Variants in GLIS3 observed in about 807,000 individuals in gnomAD.
GLIS3 encodes GLIS family zinc finger 3.
GLIS3 carries 53 observed loss-of-function variants against 78.6 expected under a neutral mutation model. The observed-to-expected ratio is 0.67, with a 90% CI of 0.54 to 0.85. The LOEUF is 0.85. Among genes scored for constraint, GLIS3 ranks in the 40% least tolerant of loss-of-function variants. The pLI, the probability that GLIS3 is intolerant of heterozygous loss-of-function variation, is 0.00. For synonymous variants in GLIS3, 684 were observed against 509.9 expected (o/e 1.34, Z -4.60); for missense variants, 1,703 against 1,231.1 (o/e 1.38, Z -5.74).
intron 4 of GLIS3, among the ~76,000 whole-genome samples, chr9:4,042,328 G>C (rs1824884251): frequency 6.6e-6 from 1 of 152,112 alleles, no homozygotes; most frequent in Non-Finnish European, 1.5e-5. Flanking sequence ...AGTGAAATGG[G>C]AACAGTGTTA....
At chr9:4,238,460 A>G (rs566290214) in intron 2 of GLIS3, among the ~76,000 whole-genome samples, 1 of 152,292 alleles carries the variant, frequency 6.6e-6, no homozygotes, top group East Asian at 1.9e-4. Flanking sequence ...CCTGAAATAC[A>G]CCTAGACCTA....
At chr9:4,467,470 T>C in the GLIS3 span, among the ~76,000 whole-genome samples, 2 of 152,220 alleles carry the variant, frequency 1.3e-5, no homozygotes, top group Non-Finnish European at 2.9e-5. Context: ...TTTGCCATTC[T>C]GCAATATTTG....
At chr9:4,445,397 C>A in the GLIS3 span, among the ~76,000 whole-genome samples, 1 of 152,172 alleles carries the variant, frequency 6.6e-6, no homozygotes, top group African/African-American at 2.4e-5. Context: ...GAGGCTGAGG[C>A]TGGCAGATTG....
chr9:3,967,272 G>A (rs1818026186), intron 4 of GLIS3, among the ~76,000 whole-genome samples: 1 of 152,178 alleles, frequency 6.6e-6, no homozygotes, highest in South Asian at 2.1e-4. Context: ...GGGAGACCGA[G>A]GCGGGCAGAT....
At chr9:4,236,931 G>C (rs1299936805) in intron 2 of GLIS3, among the ~76,000 whole-genome samples, 4 of 152,040 alleles carry the variant, frequency 2.6e-5, no homozygotes, top group Admixed American at 6.6e-5. Context: ...TTTGAAACCA[G>C]GATGGGCTCA....
At chr9:3,867,810 G>A (rs1368695662) in intron 8 of GLIS3, among the ~76,000 whole-genome samples, 1 of 151,808 alleles carries the variant, frequency 6.6e-6, no homozygotes, top group Non-Finnish European at 1.5e-5. Flanking sequence ...AGTGGATTTT[G>A]GACCCCACCT....
chr9:4,369,676 C>A, the GLIS3 span, among the ~76,000 whole-genome samples: 1 of 152,144 alleles, frequency 6.6e-6, no homozygotes, highest in African/African-American at 2.4e-5. Flanking sequence ...TATGATATAA[C>A]AATGGCGTGA....
intron 2 of GLIS3, chr9:4,151,032 G>C (rs896358996): frequency 6.6e-6 from 1 of 152,208 alleles, no homozygotes; most frequent in African/African-American, 2.4e-5. Flanking sequence ...GTTGGGGACA[G>C]GAGCGTCCAT....
intron 2 of GLIS3, among the ~76,000 whole-genome samples, chr9:4,142,185 T>C (rs58395164): frequency 0.029 from 4,384 of 152,158 alleles, 216 homozygotes; most frequent in African/African-American, 0.1. Flanking sequence ...AAATTAAGAG[T>C]TGTGCTTATG....
In GLIS3 at chr9:4,117,912, C is replaced by A; in HGVS notation, c.1566G>T (p.Glu522Asp). ...CTTTGCGCTGGTCGATGTGGACCTTCTCGATGTGCCGCACGAGCTCCTCCT... is the reference window on the plus strand; with the variant it reads ...CTTTGCGCTGGTCGATGTGGACCTTATCGATGTGCCGCACGAGCTCCTCCT... Reference protein sequence around the residue: ...DQQEELVRHIEKVHIDQRKGE... With the variant: ...DQQEELVRHIDKVHIDQRKGE... Residue 522 changes from glutamate (E) to aspartate (D), a missense_variant, in exon 4 of 11, where the codon GAG (glutamate) becomes GAT (aspartate). Transcript: ENST00000381971. 2.5e-6 allele frequency: 4 copies of A among 1,614,188 alleles called. No individual in the cohort carries two copies. Among genetic ancestry groups the A allele is most frequent in the Non-Finnish European group, 3.4e-6 (4 of 1,180,036 alleles).
intron 6 of GLIS3, among the ~76,000 whole-genome samples, chr9:3,918,751 CAA>C (rs2130718527): frequency 6.6e-6 from 1 of 152,200 alleles, no homozygotes; most frequent in Admixed American, 6.5e-5. Context: ...GCATTGAAAA[CAA>C]AACACAAAAA....
At chr9:4,412,453 A>T in the GLIS3 span, among the ~76,000 whole-genome samples, 4 of 152,132 alleles carry the variant, frequency 2.6e-5, no homozygotes, top group African/African-American at 9.7e-5. Context: ...AACCTAAGAC[A>T]CAAGTGGTCT....
rs1465942097 is a variant in GLIS3, at chr9:4,168,481, G to A, written c.389-42540C>T. Among the ~76,000 whole-genome samples, 5 of 152,014 alleles carry A rather than the reference G, an allele frequency of 3.3e-5. No individual in the cohort carries two copies. The East Asian group carries it at 5.8e-4, about 18-fold the overall frequency. Reference sequence around the variant, plus strand: ...CCCACAACAAAGTCACTAAATGAACGTCACTATGCTTGAATAGAAGAATGA... The same window carrying A: ...CCCACAACAAAGTCACTAAATGAACATCACTATGCTTGAATAGAAGAATGA... On this transcript the variant is annotated intron_variant, in intron 2 of 10. Transcript: ENST00000381971.
intron 4 of GLIS3, among the ~76,000 whole-genome samples, chr9:4,017,234 G>A (rs1822514704): frequency 6.6e-6 from 1 of 152,146 alleles, no homozygotes; most frequent in South Asian, 2.1e-4. Context: ...GAAGAGAGAT[G>A]CTGGTTTAGT....
chr9:4,081,276 C>T (rs1828534575), intron 4 of GLIS3: 1 of 152,272 alleles, frequency 6.6e-6, no homozygotes, highest in Non-Finnish European at 1.5e-5. Flanking sequence ...AGCCAGGCCT[C>T]TGCAGTCCTT....
the GLIS3 span, among the ~76,000 whole-genome samples, chr9:4,373,876 T>C: frequency 5.3e-5 from 8 of 152,026 alleles, no homozygotes; most frequent in African/African-American, 1.2e-4. Flanking sequence ...CCATGTTGGC[T>C]AGGCTGGTCT....
chr9:3,972,095 A>G (rs1486335519), intron 4 of GLIS3, among the ~76,000 whole-genome samples: 2 of 152,170 alleles, frequency 1.3e-5, no homozygotes, highest in South Asian at 2.1e-4. Context: ...TCATGTCTAG[A>G]TCAGAATGCC....
chr9:3,903,076 T>C (rs1386181994), intron 6 of GLIS3, among the ~76,000 whole-genome samples: 1 of 152,206 alleles, frequency 6.6e-6, no homozygotes, highest in Non-Finnish European at 1.5e-5. Context: ...TCATAAAATA[T>C]CTTGGCAATT....
At chr9:4,416,418 T>C in the GLIS3 span, among the ~76,000 whole-genome samples, 1 of 152,132 alleles carries the variant, frequency 6.6e-6, no homozygotes, top group Non-Finnish European at 1.5e-5. Context: ...AATATTGCTA[T>C]GTAGTACACT....
Sources: allele counts gnomAD v4.1 joint callset (sites outside exome capture counted in the v4.1 genomes callset), GRCh38; gene constraint gnomAD v4.1.1; transcripts MANE v1.5; gene names NCBI Gene and HGNC (gene_info 2026-07-23, HGNC 2026-07-21).